Variants in ANKS1B observed in about 807,000 individuals in gnomAD.
ANKS1B encodes the protein ankyrin repeat and sterile alpha motif domain-containing protein 1B.
ANKS1B carries 36 observed loss-of-function variants against 148.3 expected under a neutral mutation model. The observed-to-expected ratio is 0.24, with a 90% confidence interval of 0.19 to 0.32. ANKS1B has a LOEUF of 0.32. ANKS1B is among the 10% of genes least tolerant of loss of function. ANKS1B has a pLI of 1.00. For missense variants in ANKS1B, 1,157 were observed against 1,542.6 expected (o/e 0.75, Z 4.19); for synonymous variants, 542 against 560.8 (o/e 0.97, Z 0.47).
intron 1 of ANKS1B, among the ~76,000 whole-genome samples, chr12:99,918,152 C>T (rs1438318749): frequency 6.6e-6 from 1 of 152,222 alleles, no homozygotes; most frequent in Admixed American, 6.5e-5. Context: ...AAGGTTGGAA[C>T]TGCTGCTCTA....
chr12:99,025,256 T>A (rs2099948092), intron 17 of ANKS1B, among the ~76,000 whole-genome samples: 1 of 152,210 alleles, frequency 6.6e-6, no homozygotes, highest in African/African-American at 2.4e-5. Context: ...TATTTGAGGA[T>A]AATAGATTGA....
At chr12:99,381,248 A>G (rs1440919320) in intron 12 of ANKS1B, among the ~76,000 whole-genome samples, 1 of 152,224 alleles carries the variant, frequency 6.6e-6, no homozygotes, top group Admixed American at 6.5e-5. Context: ...AAACGAATAC[A>G]GACATGTTCA....
At chr12:99,726,078 G>C (rs540771071) in intron 8 of ANKS1B, among the ~76,000 whole-genome samples, 1 of 152,084 alleles carries the variant, frequency 6.6e-6, no homozygotes, top group African/African-American at 2.4e-5. Context: ...AATTAAAAGA[G>C]CTAGAGAAGC....
chr12:99,560,037 T>G (rs2097316371), intron 9 of ANKS1B, among the ~76,000 whole-genome samples: 1 of 152,156 alleles, frequency 6.6e-6, no homozygotes, highest in Non-Finnish European at 1.5e-5. Context: ...ATAGAAATAT[T>G]TACTTGAAGC....
intron 24 of ANKS1B, among the ~76,000 whole-genome samples, chr12:98,774,923 C>CA (rs2098653467): frequency 6.6e-6 from 1 of 152,156 alleles, no homozygotes; most frequent in Non-Finnish European, 1.5e-5. Context: ...CATTCTATTG[C>CA]AAGATAAGTT....
chr12:99,319,963 CT>C (rs2084923855), intron 12 of ANKS1B, among the ~76,000 whole-genome samples: 1 of 152,126 alleles, frequency 6.6e-6, no homozygotes, highest in African/African-American at 2.4e-5. Flanking sequence ...GTTAGTTTGG[CT>C]GGATATGAAA....
chr12:99,529,635 C>A (rs753691621), intron 9 of ANKS1B, among the ~76,000 whole-genome samples: 1 of 147,974 alleles, frequency 6.8e-6, no homozygotes, highest in Admixed American at 6.6e-5. Flanking sequence ...CCTGGTGACA[C>A]AGCAAGACTC....
intron 1 of ANKS1B, among the ~76,000 whole-genome samples, chr12:99,867,269 A>G (rs775145988): frequency 2.0e-5 from 3 of 151,592 alleles, no homozygotes. Flanking sequence ...ACACAAACCA[A>G]TAAAGCCCCC....
intron 1 of ANKS1B, among the ~76,000 whole-genome samples, chr12:99,891,099 T>G (rs1317849273): frequency 2.6e-5 from 4 of 152,234 alleles, no homozygotes; most frequent in Non-Finnish European, 5.9e-5. Flanking sequence ...TTTATTCATT[T>G]TGTAGCGTGC....
intron 1 of ANKS1B, among the ~76,000 whole-genome samples, chr12:99,856,534 GA>G (rs2089123869): frequency 6.6e-6 from 1 of 151,974 alleles, no homozygotes; most frequent in Admixed American, 6.5e-5. Flanking sequence ...ATCATTCTAT[GA>G]AGCCACTATC....
intron 1 of ANKS1B, among the ~76,000 whole-genome samples, chr12:99,919,779 T>TAAAAAAAAA (rs61076587): frequency 4.5e-4 from 61 of 134,490 alleles, no homozygotes; most frequent in South Asian, 2.4e-3. Flanking sequence ...GCTGCAGAGT[T>TAAAAAAAAA]AAAAAAAAAA....
At chr12:99,600,421 G>A (rs540029151) in intron 9 of ANKS1B, among the ~76,000 whole-genome samples, 7 of 152,018 alleles carry the variant, frequency 4.6e-5, no homozygotes, top group African/African-American at 1.2e-4. Context: ...ATGCCGCTGC[G>A]AAGGGAAGAA....
chr12:99,073,029 C>T (rs939477664), intron 16 of ANKS1B, among the ~76,000 whole-genome samples: 5 of 152,136 alleles, frequency 3.3e-5, no homozygotes, highest in Admixed American at 6.5e-5. Flanking sequence ...CCAAATGAAC[C>T]CTACCTTTTT....
At chr12:99,571,517 C>T (rs2097455484) in intron 9 of ANKS1B, among the ~76,000 whole-genome samples, 2 of 151,962 alleles carry the variant, frequency 1.3e-5, no homozygotes, top group African/African-American at 2.4e-5. Context: ...TACTTCAAGT[C>T]TGCTATGATG....
At chr12:99,517,979 T>G (rs1044764231) in intron 9 of ANKS1B, among the ~76,000 whole-genome samples, 1 of 152,190 alleles carries the variant, frequency 6.6e-6, no homozygotes, top group Non-Finnish European at 1.5e-5. Context: ...GAAATGATCA[T>G]ATGGTTTTTA....
intron 26 of ANKS1B, among the ~76,000 whole-genome samples, chr12:98,749,255 C>T (rs1012349742): frequency 1.3e-5 from 2 of 151,860 alleles, no homozygotes; most frequent in Non-Finnish European, 2.9e-5. Context: ...CCCACCACCA[C>T]GCCCAGCTAA....
Position 99,407,394 on chromosome 12 carries a change from A to G in ANKS1B, c.1576-7583T>C, listed in dbSNP as rs538485808. Among the ~76,000 whole-genome samples, 10 of 146,052 alleles carry G rather than the reference A, an allele frequency of 6.8e-5. 1 individual carries two copies. The highest frequency in any genetic ancestry group is 6.8e-4 in the Admixed American group (10 of 14,724). On this transcript the variant is annotated intron_variant, in intron 11 of 26. Transcript: ENST00000683438. ...CCTCGAATAGTAAAAGCCATGTACA[A>G]CAGACCCACAGTATCATACAAAATG...
At chr12:98,805,307 C>T (rs918541576) in intron 20 of ANKS1B, among the ~76,000 whole-genome samples, 137 of 149,940 alleles carry the variant, frequency 9.1e-4, no homozygotes, top group African/African-American at 3.3e-3. Context: ...TGCTTAAGGC[C>T]TTTTTTTTTA....
At chr12:99,943,475 GAA>G (rs985814397) in intron 1 of ANKS1B, among the ~76,000 whole-genome samples, 2 of 152,142 alleles carry the variant, frequency 1.3e-5, no homozygotes, top group Non-Finnish European at 2.9e-5. Flanking sequence ...ATTTATAAAG[GAA>G]AGAGGTTTAA....
Sources: allele counts gnomAD v4.1 joint callset (sites outside exome capture counted in the v4.1 genomes callset), GRCh38; gene constraint gnomAD v4.1.1; transcripts MANE v1.5; gene names NCBI Gene and HGNC (gene_info 2026-07-23, HGNC 2026-07-21).